NOL4: variants seen among roughly 807,000 people sequenced by gnomAD.
NOL4 encodes the protein cancer/testis antigen 125.
Under a neutral mutation model 75.9 loss-of-function variants are expected in NOL4, and 17 were observed. The ratio of observed to expected loss-of-function variants is 0.22; its 90% CI spans 0.15 to 0.34. The LOEUF (loss-of-function observed/expected upper bound fraction) is 0.34, where lower values mean the gene tolerates loss of function less well. Ranked by LOEUF, NOL4 falls within the 10% of genes least tolerant of loss-of-function variation. NOL4 has a pLI of 1.00. For synonymous variants in NOL4, 292 were observed against 289.9 expected, an observed-to-expected ratio of 1.01 and a Z score of -0.07; for missense variants, 614 against 793.5, an observed-to-expected ratio of 0.77 and a Z score of 2.72.
intron 2 of NOL4, among the ~76,000 whole-genome samples, chr18:34,108,025 G>T (rs1310024750): frequency 6.6e-6 from 1 of 152,166 alleles, no homozygotes; most frequent in African/African-American, 2.4e-5. Flanking sequence ...GGTTGAAGGA[G>T]AGTGAAGTGA....
chr18:34,163,265 A>G (rs952174531), intron 1 of NOL4, among the ~76,000 whole-genome samples: 1 of 152,050 alleles, frequency 6.6e-6, no homozygotes, highest in African/African-American at 2.4e-5. Context: ...CGAAGGAAAT[A>G]AAGGGTATTC....
At chr18:34,025,892 G>C (rs2075315820) in intron 5 of NOL4, among the ~76,000 whole-genome samples, 1 of 151,974 alleles carries the variant, frequency 6.6e-6, no homozygotes, top group Non-Finnish European at 1.5e-5. Context: ...TACTCCTTTA[G>C]GTATTCTCCT....
At chr18:34,140,228 T>C (rs933840124) in intron 1 of NOL4, among the ~76,000 whole-genome samples, 5 of 152,212 alleles carry the variant, frequency 3.3e-5, no homozygotes, top group African/African-American at 1.2e-4. Context: ...GATTCCTGGA[T>C]ATCCTTGTTA....
chr18:33,929,519 T>C (rs768700563), intron 9 of NOL4, among the ~76,000 whole-genome samples: 1 of 152,172 alleles, frequency 6.6e-6, no homozygotes, highest in Non-Finnish European at 1.5e-5. Context: ...TGTGAGTTGA[T>C]TGAGGAAAGC....
chr18:33,896,701 T>A (rs1033650459), intron 9 of NOL4, among the ~76,000 whole-genome samples: 1 of 152,118 alleles, frequency 6.6e-6, no homozygotes, highest in Non-Finnish European at 1.5e-5. Context: ...ATCCTGGACA[T>A]ATGAATAGAC....
rs77093800 is a variant in NOL4 at position 34,103,199 on chromosome 18, T to A, written c.639+848A>T. Among the ~76,000 whole-genome samples the A allele has an allele frequency of 5.3e-3, 811 of 152,172 alleles. 8 individuals are homozygous for A. Among genetic ancestry groups the A allele is most frequent in the African/African-American group, 0.018 (750 of 41,564 alleles). On this transcript the variant is annotated intron_variant, in intron 4 of 10. Transcript: ENST00000261592. Reference sequence around the variant, plus strand: ...TTTTAGAGAAATTTCAAGAAGATAATTTATTAGCCTGAGGACCTGAACCTG... The same window carrying A: ...TTTTAGAGAAATTTCAAGAAGATAAATTATTAGCCTGAGGACCTGAACCTG...
intron 10 of NOL4, among the ~76,000 whole-genome samples, chr18:33,880,566 A>G (rs1454620437): frequency 2.0e-5 from 3 of 152,070 alleles, no homozygotes; most frequent in Non-Finnish European, 2.9e-5. Context: ...CCAGTACAAC[A>G]CTGCTGACCG....
At chr18:34,074,608 T>C (rs1051784129) in intron 5 of NOL4, among the ~76,000 whole-genome samples, 9 of 151,974 alleles carry the variant, frequency 5.9e-5, no homozygotes, top group African/African-American at 2.4e-5. Flanking sequence ...TGTTTTATAA[T>C]GGGGAAGAGG....
chr18:34,116,979 G>T (rs1382190111), intron 2 of NOL4, among the ~76,000 whole-genome samples: 3 of 152,080 alleles, frequency 2.0e-5, no homozygotes, highest in African/African-American at 7.2e-5. Context: ...GCAAACCTCT[G>T]GTTCCTGAAA....
intron 9 of NOL4, among the ~76,000 whole-genome samples, chr18:33,903,452 T>C (rs945191840): frequency 6.6e-6 from 1 of 152,126 alleles, no homozygotes; most frequent in Non-Finnish European, 1.5e-5. Flanking sequence ...AAGCAATCCT[T>C]GTGCTGTTAA....
chr18:34,223,263 G>A lies in NOL4; in HGVS notation c.-10C>T, dbSNP rs1386631710. On this transcript the variant is annotated 5_prime_UTR_variant, in exon 1 of 11. Coordinates refer to ENST00000261592, the MANE Select transcript of NOL4 (RefSeq NM_003787.5). Reference sequence around the variant, plus strand: ...CGCGCTCGCTCTCCATGTTCCCCGCGCTCGGCCGCTGGCCGGATGCTCCCA... The same window carrying A: ...CGCGCTCGCTCTCCATGTTCCCCGCACTCGGCCGCTGGCCGGATGCTCCCA... 1.2e-6 allele frequency: 2 copies of A among 1,611,884 alleles called. No individual in the cohort carries two copies. Among genetic ancestry groups the A allele is most frequent in the Middle Eastern group, 1.7e-4 (1 of 6,048 alleles).
chr18:33,861,653 T>A (rs952283421), intron 10 of NOL4, among the ~76,000 whole-genome samples: 5 of 152,074 alleles, frequency 3.3e-5, no homozygotes, highest in African/African-American at 1.2e-4. Context: ...AAATCATGAG[T>A]GAACTCCCAT....
chr18:34,221,025 T>C (rs1164643845), intron 1 of NOL4: 1 of 152,186 alleles, frequency 6.6e-6, no homozygotes, highest in East Asian at 1.9e-4. Context: ...TTAGTATCTC[T>C]AAAATTGTTC....
intron 10 of NOL4, among the ~76,000 whole-genome samples, chr18:33,868,648 T>TAC (rs2063544820): frequency 1.1e-5 from 1 of 88,658 alleles, no homozygotes; most frequent in African/African-American, 4.6e-5. Context: ...ATTCCTGTAT[T>TAC]TCACACACAC....
At chr18:33,910,106 A>T (rs1477339568) in intron 9 of NOL4, among the ~76,000 whole-genome samples, 1 of 152,180 alleles carries the variant, frequency 6.6e-6, no homozygotes, top group East Asian at 1.9e-4. Context: ...AAGATTTCTG[A>T]CTATGCTCTT....
At chr18:34,213,630 G>C (rs568823224) in intron 1 of NOL4, among the ~76,000 whole-genome samples, 1 of 152,124 alleles carries the variant, frequency 6.6e-6, no homozygotes, top group Non-Finnish European at 1.5e-5. Flanking sequence ...TCTGGAGTGA[G>C]TTCCTAATAA....
chr18:33,953,319 G>T (rs1157521850), intron 8 of NOL4, among the ~76,000 whole-genome samples: 1 of 151,644 alleles, frequency 6.6e-6, no homozygotes, highest in Non-Finnish European at 1.5e-5. Context: ...TTTTCAAAAA[G>T]ATCTCAAGTC....
intron 1 of NOL4, chr18:34,222,556 C>G (rs902401309): frequency 1.6e-4 from 102 of 623,664 alleles, no homozygotes; most frequent in Admixed American, 1.9e-4. Context: ...TGTAGACTAT[C>G]GATCAGACTC....
At chr18:33,972,678 C>T (rs1411966160) in intron 6 of NOL4, among the ~76,000 whole-genome samples, 3 of 152,106 alleles carry the variant, frequency 2.0e-5, no homozygotes, top group African/African-American at 7.2e-5. Context: ...AAGTGAATAC[C>T]ATAATAAAGT....
Sources: gnomAD v4.1 joint callset for allele counts (sites outside exome capture counted in the v4.1 genomes callset) on GRCh38, gnomAD v4.1.1 for gene constraint, MANE v1.5 for transcripts, NCBI Gene and HGNC (gene_info 2026-07-23, HGNC 2026-07-21) for gene names.